The following CCDC141 variants were observed in gnomAD, a reference collection of about 807,000 sequenced individuals.
CCDC141 encodes coiled-coil domain-containing protein 141.
A neutral mutation model predicts 181.0 loss-of-function variants in CCDC141; 168 were observed. The observed-to-expected ratio is 0.93, with a 90% CI of 0.82 to 1.05. CCDC141 has a LOEUF of 1.05. CCDC141 is among the 50% of genes least tolerant of loss of function. The pLI is 0.00. For synonymous variants in CCDC141, 666 were observed against 642.3 expected, an observed-to-expected ratio of 1.04 and a Z score of -0.56; for missense variants, 1,902 against 1,788.5, an observed-to-expected ratio of 1.06 and a Z score of -1.14.
At position 178,868,052 on chromosome 2, in the gene CCDC141, C is replaced by T. The variant is rs368109309; in HGVS notation, c.2548G>A (p.Asp850Asn). ...LHRLALSLGV[D>N]IISSVQRPHC... ...GGCCGCTGCACTGATGAGATGATGT[C>T]GACTCCTAAGGAAAGGGCCAGTCTG... The change falls in exon 16 of 24, where the codon GAC becomes AAC. Residue 850 changes from aspartate to asparagine, a missense_variant. Transcript: ENST00000443758. 112 of 1,613,618 alleles carry T rather than the reference C, an allele frequency of 6.9e-5. No individual in the cohort carries two copies. The highest frequency in any genetic ancestry group is 4.0e-5 in the African/African-American group (3 of 74,910).
chr2:178,965,105 C>G (rs1690568756), intron 4 of CCDC141, among the ~76,000 whole-genome samples: 1 of 152,172 alleles, frequency 6.6e-6, no homozygotes, highest in South Asian at 2.1e-4. Context: ...CAAATGAGTA[C>G]TTTCTAAAAT....
chr2:179,044,229 G>A (rs1338870035), intron 2 of CCDC141, among the ~76,000 whole-genome samples: 1 of 152,094 alleles, frequency 6.6e-6, no homozygotes, highest in African/African-American at 2.4e-5. Context: ...TGGCCATGCT[G>A]CCCAAAGCAA....
chr2:178,948,662 G>T (rs1461346337), intron 5 of CCDC141, among the ~76,000 whole-genome samples: 1 of 152,180 alleles, frequency 6.6e-6, no homozygotes, highest in African/African-American at 2.4e-5. Context: ...CTCATGAATA[G>T]ATTAATGCCC....
At chr2:179,002,317 C>T (rs1465405925) in intron 2 of CCDC141, 1 of 276,168 alleles carries the variant, frequency 3.6e-6, no homozygotes, top group Non-Finnish European at 7.2e-6. Flanking sequence ...GCCAGAAGAA[C>T]TGGAGAAAGA....
At chr2:178,874,053 A>G (rs1378592884) in intron 12 of CCDC141, 1 of 152,214 alleles carries the variant, frequency 6.6e-6, no homozygotes, top group African/African-American at 2.4e-5. Context: ...ATGAGCCACG[A>G]CAACCCAATA....
At chr2:178,972,488 T>C (rs1690937969) in intron 4 of CCDC141, among the ~76,000 whole-genome samples, 1 of 152,130 alleles carries the variant, frequency 6.6e-6, no homozygotes, top group Admixed American at 6.5e-5. Context: ...ACAGGAAGTA[T>C]AGAGGGAGTC....
chr2:179,016,963 A>T (rs1166303042), intron 2 of CCDC141, among the ~76,000 whole-genome samples: 1 of 152,104 alleles, frequency 6.6e-6, no homozygotes, highest in African/African-American at 2.4e-5. Context: ...GTGGGTCACC[A>T]TGCTTCAAGA....
chr2:178,949,212 C>A (rs1430217172), intron 5 of CCDC141, among the ~76,000 whole-genome samples: 1 of 151,982 alleles, frequency 6.6e-6, no homozygotes, highest in African/African-American at 2.4e-5. Flanking sequence ...GTTGGAAGTC[C>A]CACTTTGGAC....
chr2:178,888,442 G>A, intron 9 of CCDC141, 85 bp downstream of exon 9: 1 of 1,265,962 alleles, frequency 7.9e-7, no homozygotes, highest in South Asian at 1.4e-5. Context: ...ACATGCCCCT[G>A]TCCTCCCGCC....
At chr2:178,898,391 CT>C (rs1290736147) in intron 8 of CCDC141, among the ~76,000 whole-genome samples, 2 of 152,166 alleles carry the variant, frequency 1.3e-5, no homozygotes, top group African/African-American at 4.8e-5. Context: ...GCTAGCTAAA[CT>C]TCTTTCTTTT....
chr2:178,877,106 AACCAT>A (rs1281069076), intron 12 of CCDC141: 1 of 152,184 alleles, frequency 6.6e-6, no homozygotes, highest in African/African-American at 2.4e-5. Flanking sequence ...GATCTTGACA[AACCAT>A]AGAAAATCCT....
At chr2:178,953,142 C>T (rs1690023649) in intron 5 of CCDC141, among the ~76,000 whole-genome samples, 1 of 152,134 alleles carries the variant, frequency 6.6e-6, no homozygotes. Context: ...GGCCTTAAAA[C>T]ATGTTCACAT....
chr2:178,920,206 A>C (rs1688624847), intron 6 of CCDC141, among the ~76,000 whole-genome samples: 1 of 152,200 alleles, frequency 6.6e-6, no homozygotes, highest in African/African-American at 2.4e-5. Context: ...AAAATTTAGC[A>C]CAAGATTTCA....
At chr2:178,932,639 C>T (rs1442820645) in intron 6 of CCDC141, among the ~76,000 whole-genome samples, 2 of 152,128 alleles carry the variant, frequency 1.3e-5, no homozygotes, top group African/African-American at 4.8e-5. Flanking sequence ...GCACACAATA[C>T]ACAATTTTGG....
intron 6 of CCDC141, among the ~76,000 whole-genome samples, chr2:178,923,616 C>T (rs1385418528): frequency 2.0e-5 from 3 of 150,918 alleles, no homozygotes; most frequent in Non-Finnish European, 4.4e-5. Context: ...AGTACTTGTC[C>T]CCACCAGCAG....
intron 22 of CCDC141, among the ~76,000 whole-genome samples, chr2:178,844,434 T>C (rs1684851213): frequency 6.6e-6 from 1 of 152,128 alleles, no homozygotes; most frequent in Non-Finnish European, 1.5e-5. Flanking sequence ...ATGTCAACAG[T>C]GCTGTGGTTG....
intron 6 of CCDC141, among the ~76,000 whole-genome samples, chr2:178,930,131 T>C (rs1689045315): frequency 6.6e-6 from 1 of 151,872 alleles, no homozygotes; most frequent in Admixed American, 6.6e-5. Flanking sequence ...AAAATCAACG[T>C]TAAAAAAAAA....
chr2:179,046,276 C>G (rs539444309), intron 2 of CCDC141, among the ~76,000 whole-genome samples: 1 of 152,332 alleles, frequency 6.6e-6, no homozygotes, highest in Non-Finnish European at 1.5e-5. Context: ...CAGAATGGAA[C>G]ACCATTTAGG....
chr2:178,843,761 C>T (rs55913885), intron 22 of CCDC141, among the ~76,000 whole-genome samples: 11,246 of 152,134 alleles, frequency 0.074, 601 homozygotes, highest in Admixed American at 0.16. Flanking sequence ...TCCTATCTGC[C>T]CACATGGGGT....
Sources: allele counts gnomAD v4.1 joint callset (sites outside exome capture counted in the v4.1 genomes callset), GRCh38; gene constraint gnomAD v4.1.1; transcripts MANE v1.5; gene names NCBI Gene and HGNC (gene_info 2026-07-23, HGNC 2026-07-21).